The following LAMC1 variants were observed in gnomAD, a reference collection of about 807,000 sequenced individuals.
LAMC1 encodes laminin subunit gamma 1, also known as laminin subunit gamma-1.
In LAMC1, 38 loss-of-function variants were observed where a neutral mutation model predicts 173.6. The observed-to-expected ratio is 0.22, with a 90% CI of 0.17 to 0.29. The LOEUF (loss-of-function observed/expected upper bound fraction) is 0.29. LAMC1 is among the 10% of genes least tolerant of loss of function. The pLI, the probability that LAMC1 is intolerant of heterozygous loss-of-function variation, is 1.00. For synonymous variants in LAMC1, 746 were observed against 749.1 expected (o/e 1.00, Z 0.07); for missense variants, 1,824 against 2,051.8 (o/e 0.89, Z 2.14).
intron 11 of LAMC1, among the ~76,000 whole-genome samples, chr1:183,120,167 CA>C (rs55642592): frequency 0.066 from 4,230 of 64,508 alleles, 145 homozygotes; most frequent in African/African-American, 0.23. Context: ...GGATCTATCT[CA>C]AAAAAAAAAA....
intron 1 of LAMC1, among the ~76,000 whole-genome samples, chr1:183,031,393 C>T (rs1256618192): frequency 6.6e-6 from 1 of 152,166 alleles, no homozygotes; most frequent in African/African-American, 2.4e-5. Context: ...CAACCTCTGC[C>T]TCCTGGGTTC....
Position 183,049,825 on chromosome 1 carries a change from CAA to C in LAMC1, c.418+25702_418+25703del, listed in dbSNP as rs11320106. Among the ~76,000 whole-genome samples, 528 of 147,362 alleles carry C rather than the reference CAA, an allele frequency of 3.6e-3. 3 individuals are homozygous for C. Among genetic ancestry groups the C allele is most frequent in the African/African-American group, 0.012 (491 of 39,986 alleles). ...CTCTCCCATTCTCACCAAACTAAAA[CAA>C]AAAAAAAAAATCATTCTGGATTTTC... On this transcript the variant is annotated intron_variant, in intron 1 of 27. Coordinates refer to ENST00000258341, the MANE Select transcript of LAMC1 (RefSeq NM_002293.4).
chr1:183,092,152 G>A (rs1655581950), intron 1 of LAMC1, among the ~76,000 whole-genome samples: 1 of 152,122 alleles, frequency 6.6e-6, no homozygotes, highest in Non-Finnish European at 1.5e-5. Context: ...TACTTTTCTG[G>A]TTTATTGTCT....
At chr1:183,044,041 G>T (rs541451750) in intron 1 of LAMC1, among the ~76,000 whole-genome samples, 93 of 152,058 alleles carry the variant, frequency 6.1e-4, no homozygotes, top group African/African-American at 2.1e-3. Context: ...GTAAATCAGT[G>T]TCTAGGAATC....
chr1:183,025,391 A>T (rs1653660313), intron 1 of LAMC1, among the ~76,000 whole-genome samples: 1 of 152,262 alleles, frequency 6.6e-6, no homozygotes, highest in Non-Finnish European at 1.5e-5. Context: ...AAGTGTTAGA[A>T]AAGCAGAATT....
intron 1 of LAMC1, among the ~76,000 whole-genome samples, chr1:183,089,189 T>A (rs1655505546): frequency 6.6e-6 from 1 of 152,132 alleles, no homozygotes; most frequent in Non-Finnish European, 1.5e-5. Context: ...AGAATGTAAA[T>A]AGAAAGGTAG....
chr1:183,113,848 G>A (rs1558052133), intron 4 of LAMC1, among the ~76,000 whole-genome samples: 1 of 152,166 alleles, frequency 6.6e-6, no homozygotes, highest in Non-Finnish European at 1.5e-5. Flanking sequence ...CTTTGTTTTT[G>A]GAGTTGATAC....
chr1:183,056,582 A>G (rs1654603026), intron 1 of LAMC1, among the ~76,000 whole-genome samples: 1 of 152,102 alleles, frequency 6.6e-6, no homozygotes, highest in Non-Finnish European at 1.5e-5. Flanking sequence ...TTCTCCAGTA[A>G]TACCTGTTTG....
intron 24 of LAMC1, among the ~76,000 whole-genome samples, chr1:183,135,824 G>A (rs1206139991): frequency 1.3e-5 from 2 of 151,176 alleles, no homozygotes; most frequent in East Asian, 3.9e-4. Flanking sequence ...AGGAGGTCAA[G>A]GCTGCACTAA....
intron 1 of LAMC1, among the ~76,000 whole-genome samples, chr1:183,081,312 T>C (rs1215050266): frequency 6.6e-6 from 1 of 152,046 alleles, no homozygotes; most frequent in East Asian, 1.9e-4. Context: ...ATGAATAACT[T>C]TATGGCCAGG....
intron 1 of LAMC1, among the ~76,000 whole-genome samples, chr1:183,073,334 A>G (rs2102042626): frequency 6.6e-6 from 1 of 152,354 alleles, no homozygotes. Flanking sequence ...TAGGAACCAC[A>G]GAAGTAAGCC....
At chr1:183,130,651 C>A in intron 19 of LAMC1, 102 bp downstream of exon 19, 2 of 833,418 alleles carry the variant, frequency 2.4e-6, no homozygotes, top group East Asian at 2.6e-5. Flanking sequence ...AAATTGACTC[C>A]ATGCATCTTT....
intron 1 of LAMC1, among the ~76,000 whole-genome samples, chr1:183,086,337 T>A (rs1179359021): frequency 1.3e-5 from 2 of 152,150 alleles, no homozygotes; most frequent in Non-Finnish European, 2.9e-5. Flanking sequence ...GTGGTGGGAG[T>A]TCAGTTTAGT....
At chr1:183,105,860 C>T (rs1264688202) in intron 2 of LAMC1, among the ~76,000 whole-genome samples, 1 of 152,142 alleles carries the variant, frequency 6.6e-6, no homozygotes. Flanking sequence ...CTGTAATCTC[C>T]CAGATGGGGA....
chr1:183,140,346 G>A, intron 26 of LAMC1, 58 bp from the exon 27 acceptor site: 1 of 972,938 alleles, frequency 1.0e-6, no homozygotes, highest in Middle Eastern at 2.3e-4. Context: ...TGGGAAAAAA[G>A]ATTTAAAGAA....
rs765133070 is a variant in LAMC1 at position 183,137,715 on chromosome 1, T to A, written c.4361T>A (p.Val1454Asp). 1.2e-6 allele frequency: 2 copies of A among 1,604,024 alleles called. No individual in the cohort carries two copies. The highest frequency in any genetic ancestry group is 2.2e-5 in the South Asian group (2 of 89,376). Residue 1454 changes from valine to aspartate, a missense_variant, in exon 26 of 28, where the codon GTT (valine) becomes GAT (aspartate). Physicochemically the swap from Val to Asp is radical, Grantham distance 152 (BLOSUM62 -3). Transcript: ENST00000258341. ...GAAGCTGAAAGAACTTTTGCAGAAG[T>A]TACAGATCTGGATAATGAGGTGAAC... ...KAEAERTFAE[V>D]TDLDNEVNNM...
At chr1:183,058,344 T>A (rs1654652616) in intron 1 of LAMC1, among the ~76,000 whole-genome samples, 1 of 152,236 alleles carries the variant, frequency 6.6e-6, no homozygotes, top group African/African-American at 2.4e-5. Context: ...TGTGTCTGCT[T>A]CTTGAAATCA....
chr1:183,047,356 C>T (rs994060582), intron 1 of LAMC1, among the ~76,000 whole-genome samples: 1 of 152,180 alleles, frequency 6.6e-6, no homozygotes, highest in Non-Finnish European at 1.5e-5. Flanking sequence ...CACTCAATTA[C>T]AGAGTGTGAT....
chr1:183,073,725 G>T (rs1426615902), intron 1 of LAMC1, among the ~76,000 whole-genome samples: 7 of 152,152 alleles, frequency 4.6e-5, no homozygotes, highest in Non-Finnish European at 2.9e-5. Context: ...TTAAAATACA[G>T]TGTCCAGCAC....
Sources: allele counts gnomAD v4.1 joint callset (sites outside exome capture counted in the v4.1 genomes callset), GRCh38; gene constraint gnomAD v4.1.1; transcripts MANE v1.5; gene names NCBI Gene and HGNC (gene_info 2026-07-23, HGNC 2026-07-21).